The following KIF5C variants were observed in gnomAD, a reference collection of about 807,000 sequenced individuals.
KIF5C encodes kinesin family member 5C.
In KIF5C, 18 loss-of-function variants were observed where a neutral mutation model predicts 125.2. The observed-to-expected ratio is 0.14, with a 90% CI of 0.10 to 0.21. KIF5C has a LOEUF of 0.21. Ranked by LOEUF, KIF5C falls within the 10% of genes least tolerant of loss-of-function variation. KIF5C has a pLI of 1.00. For missense variants in KIF5C, 780 were observed against 1,183.8 expected, an observed-to-expected ratio of 0.66 and a Z score of 5.01; for synonymous variants, 405 against 434.0, an observed-to-expected ratio of 0.93 and a Z score of 0.83.
At chr2:149,022,387 T>C (rs1224903061) in intron 25 of KIF5C, among the ~76,000 whole-genome samples, 2 of 152,122 alleles carry the variant, frequency 1.3e-5, no homozygotes, top group East Asian at 3.9e-4. Context: ...CATGTGTCTT[T>C]TGAGCTCTCA....
chr2:148,981,299 G>A, intron 13 of KIF5C, 56 bp from the exon 14 acceptor site: 1 of 1,522,434 alleles, frequency 6.6e-7, no homozygotes, highest in Non-Finnish European at 8.8e-7. Flanking sequence ...ATACAGCATA[G>A]AACATAAACA....
At chr2:148,906,952 C>T (rs1282979175) in intron 1 of KIF5C, among the ~76,000 whole-genome samples, 1 of 151,744 alleles carries the variant, frequency 6.6e-6, no homozygotes, top group Non-Finnish European at 1.5e-5. Context: ...CCTAGCTACT[C>T]AGGATGCTGA....
chr2:148,896,777 A>G (rs1388671856), intron 1 of KIF5C, among the ~76,000 whole-genome samples: 1 of 152,070 alleles, frequency 6.6e-6, no homozygotes, highest in Non-Finnish European at 1.5e-5. Flanking sequence ...TTTTTAGTAG[A>G]GCAGCAGTTT....
chr2:148,950,968 G>A (rs1425695913), intron 10 of KIF5C, among the ~76,000 whole-genome samples: 1 of 152,140 alleles, frequency 6.6e-6, no homozygotes, highest in Non-Finnish European at 1.5e-5. Context: ...AAAATAATGG[G>A]CAAGAACATG....
chr2:148,989,383 T>C (rs1681466307), intron 15 of KIF5C, among the ~76,000 whole-genome samples: 1 of 151,972 alleles, frequency 6.6e-6, no homozygotes, highest in Admixed American at 6.6e-5. Flanking sequence ...ATTTTCTTTA[T>C]CTACTCATTG....
At chr2:148,942,111 C>G in intron 6 of KIF5C, 121 bp downstream of exon 6, 1 of 1,105,114 alleles carries the variant, frequency 9.0e-7, no homozygotes, top group East Asian at 2.8e-5. Context: ...ATTCAGGCTC[C>G]TTATATTTAA....
chr2:148,909,347 G>A (rs1234582042), intron 1 of KIF5C, among the ~76,000 whole-genome samples: 1 of 152,208 alleles, frequency 6.6e-6, no homozygotes, highest in Non-Finnish European at 1.5e-5. Context: ...CTGCTCTGAG[G>A]TCACATCCTG....
chr2:148,929,345 C>T lies in KIF5C; in HGVS notation c.282C>T (p.His94=), dbSNP rs1477278062. ...GGCAGACTTCATCAGGAAAAACCCACACCATGGAGGTAAGATTACAATGTG... is the reference window on the plus strand; with the variant it reads ...GGCAGACTTCATCAGGAAAAACCCATACCATGGAGGTAAGATTACAATGTG... ...AYGQTSSGKT[H]TMEGKLHDPQ... Residue 94 remains histidine (H), a synonymous_variant, in exon 3 of 26, where the codon CAC becomes CAT. Coordinates refer to ENST00000435030, the MANE Select transcript of KIF5C (RefSeq NM_004522.3). 2 of 1,532,394 alleles carry T rather than the reference C, an allele frequency of 1.3e-6. No individual in the cohort carries two copies. The highest frequency in any genetic ancestry group is 2.0e-5 in the Admixed American group (1 of 50,998). The allele number at this position is 1,532,394 out of a possible 1,614,324, so 94.9% of individuals were successfully genotyped here.
At position 148,997,549 on chromosome 2, in the gene KIF5C, T is replaced by G. The variant is rs139147827; in HGVS notation, c.2100+209T>G. ...GAAACCCCAAGATGTCTGTAGAGAA[T>G]GGTTAAGTTGCGTTAATACCTTTGT... On this transcript the variant is annotated intron_variant, in intron 18 of 25. Transcript: ENST00000435030. 59 of 868,976 alleles carry G rather than the reference T, an allele frequency of 6.8e-5. No homozygotes were observed. The East Asian group carries it at 1.5e-3, about 22-fold the overall frequency. 53.8% of individuals were successfully genotyped at this position (868,976 alleles called of 1,614,324 possible). A position where few individuals can be genotyped will look rare whatever the true frequency, so the allele number is the denominator to read the frequency against.
chr2:149,021,923 G>C (rs886914803), intron 25 of KIF5C, among the ~76,000 whole-genome samples: 1 of 152,036 alleles, frequency 6.6e-6, no homozygotes, highest in African/African-American at 2.4e-5. Context: ...CCGGTGACAG[G>C]AAACAGAGCC....
chr2:148,885,789 G>C lies in KIF5C; in HGVS notation c.126+10046G>C, dbSNP rs997435436. ...GTGATTTATGCCTTTAGCATCTTTGGCTGCAGGGTATGTTCTTAAGAGCTG... is the reference window on the plus strand; with the variant it reads ...GTGATTTATGCCTTTAGCATCTTTGCCTGCAGGGTATGTTCTTAAGAGCTG... On this transcript the variant is annotated intron_variant, in intron 1 of 25. Coordinates refer to ENST00000435030, the MANE Select transcript of KIF5C (RefSeq NM_004522.3). 3 of 152,308 alleles carry C rather than the reference G, an allele frequency of 2.0e-5. No homozygotes were observed. The South Asian group carries it at 6.2e-4, about 32-fold the overall frequency. The allele number at this position is 152,308 out of a possible 1,614,324, so 9.4% of individuals were successfully genotyped here.
chr2:148,975,169 C>T (rs977057633), intron 12 of KIF5C, among the ~76,000 whole-genome samples: 1 of 152,238 alleles, frequency 6.6e-6, no homozygotes, highest in South Asian at 2.1e-4. Context: ...TGCTGAGAGA[C>T]GTGGGAGAGG....
chr2:148,937,367 G>A lies in KIF5C; in HGVS notation c.375G>A (p.Glu125=). 1 of 1,596,342 alleles carries A rather than the reference G, an allele frequency of 6.3e-7. No individual in the cohort carries two copies. The highest frequency in any genetic ancestry group is 8.5e-7 in the Non-Finnish European group (1 of 1,170,510). Residue 125 remains glutamate, a synonymous_variant, in exon 4 of 26, where the codon GAG becomes GAA. Coordinates refer to ENST00000435030, the MANE Select transcript of KIF5C (RefSeq NM_004522.3). ...DIFDHIYSMD[E]NLEFHIKVSY... The stretch of plus-strand genomic sequence containing the variant: ...TTGACCATATCTACTCCATGGATGA[G>A]AACCTGGAGTTTCACATAAAGGTAC...
At chr2:149,019,248 C>T (rs1682458652) in intron 25 of KIF5C, among the ~76,000 whole-genome samples, 1 of 152,108 alleles carries the variant, frequency 6.6e-6, no homozygotes, top group Non-Finnish European at 1.5e-5. Context: ...GATCATAGTG[C>T]CCGTATCACA....
chr2:148,877,220 C>A (rs1341697817), intron 1 of KIF5C: 2 of 152,386 alleles, frequency 1.3e-5, no homozygotes, highest in African/African-American at 4.8e-5. Context: ...GGGCTTTAAC[C>A]TGTACCTGGC....
rs534210233 is a variant in KIF5C at position 149,013,035 on chromosome 2, T to C, written c.*7+1352T>C. 3.3e-5 allele frequency among the ~76,000 whole-genome samples: 5 copies of C among 152,306 alleles called. No homozygotes were observed. The East Asian group carries it at 9.6e-4, about 29-fold the overall frequency. ...TTGAGCACCCAGAGGCCCAGGCTCCTTAGAAGAGGAAGGGCCTGGGCTTTG... is the reference window on the plus strand; with the variant it reads ...TTGAGCACCCAGAGGCCCAGGCTCCCTAGAAGAGGAAGGGCCTGGGCTTTG... On this transcript the variant is annotated intron_variant, in intron 25 of 25. Coordinates refer to ENST00000435030, the MANE Select transcript of KIF5C (RefSeq NM_004522.3).
At chr2:148,983,527 TC>T in intron 14 of KIF5C, 92 bp from the exon 15 acceptor site, 1 of 1,397,694 alleles carries the variant, frequency 7.2e-7, no homozygotes, top group Non-Finnish European at 9.4e-7. Flanking sequence ...GTAAAAGAAA[TC>T]CATTCTACAT....
chr2:148,923,308 T>C (rs893142502), intron 2 of KIF5C, among the ~76,000 whole-genome samples: 1 of 152,216 alleles, frequency 6.6e-6, no homozygotes, highest in Non-Finnish European at 1.5e-5. Context: ...GGGAGATGCA[T>C]GTCAGCATGT....
At chr2:149,017,995 TTG>T (rs1184138276) in intron 25 of KIF5C, among the ~76,000 whole-genome samples, 16 of 152,174 alleles carry the variant, frequency 1.1e-4, no homozygotes, top group Non-Finnish European at 2.1e-4. Flanking sequence ...TGCCTGTTTT[TTG>T]TGTGTCGTGG....
Sources: gnomAD v4.1 joint callset for allele counts (sites outside exome capture counted in the v4.1 genomes callset) on GRCh38, gnomAD v4.1.1 for gene constraint, MANE v1.5 for transcripts, NCBI Gene and HGNC (gene_info 2026-07-23, HGNC 2026-07-21) for gene names.